CNTNAP5: variants seen among roughly 807,000 people sequenced by gnomAD.
The protein encoded by CNTNAP5 is contactin associated protein family member 5, also known as contactin-associated protein-like 5.
CNTNAP5 carries 72 observed loss-of-function variants against 150.2 expected under a neutral mutation model. The observed-to-expected ratio is 0.48, with a 90% CI of 0.40 to 0.58. The LOEUF (loss-of-function observed/expected upper bound fraction) is 0.58, where lower values mean the gene tolerates loss of function less well. Ranked by LOEUF, CNTNAP5 falls within the 20% of genes least tolerant of loss-of-function variation. CNTNAP5 has a pLI of 0.00. For missense variants in CNTNAP5, 1,636 were observed against 1,626.2 expected (o/e 1.01, Z -0.10); for synonymous variants, 672 against 619.8 (o/e 1.08, Z -1.25).
intron 1 of CNTNAP5, among the ~76,000 whole-genome samples, chr2:124,216,980 G>A (rs1460019197): frequency 1.3e-5 from 2 of 152,096 alleles, no homozygotes; most frequent in East Asian, 1.9e-4. Flanking sequence ...CTTCCACAAT[G>A]GTTAAACTAG....
intron 11 of CNTNAP5, among the ~76,000 whole-genome samples, chr2:124,577,843 A>G (rs1271297564): frequency 6.6e-6 from 1 of 152,174 alleles, no homozygotes; most frequent in Non-Finnish European, 1.5e-5. Context: ...GACTGACATT[A>G]ACTTGGTTGG....
At chr2:124,291,657 T>C (rs1688297208) in intron 3 of CNTNAP5, among the ~76,000 whole-genome samples, 1 of 152,142 alleles carries the variant, frequency 6.6e-6, no homozygotes, top group Non-Finnish European at 1.5e-5. Flanking sequence ...ACTGACACAC[T>C]GCTTTGTACC....
At chr2:124,202,969 C>T (rs1685766590) in intron 1 of CNTNAP5, among the ~76,000 whole-genome samples, 2 of 152,144 alleles carry the variant, frequency 1.3e-5, no homozygotes, top group Admixed American at 6.5e-5. Flanking sequence ...ATCATACCTT[C>T]CCAACAGTCG....
chr2:124,368,479 AATCT>A (rs1438548812), intron 3 of CNTNAP5, among the ~76,000 whole-genome samples: 1 of 152,160 alleles, frequency 6.6e-6, no homozygotes, highest in Non-Finnish European at 1.5e-5. Flanking sequence ...CATTTACAGA[AATCT>A]ATCTTAGAAA....
At chr2:124,607,601 G>A (rs1677279514) in intron 11 of CNTNAP5, among the ~76,000 whole-genome samples, 1 of 152,168 alleles carries the variant, frequency 6.6e-6, no homozygotes, top group Non-Finnish European at 1.5e-5. Flanking sequence ...TTACCTTAGA[G>A]GTTGCCTAGC....
chr2:124,574,779 T>G (rs2104942842), intron 11 of CNTNAP5, among the ~76,000 whole-genome samples: 1 of 152,352 alleles, frequency 6.6e-6, no homozygotes, highest in Non-Finnish European at 1.5e-5. Flanking sequence ...GAATTTCCAG[T>G]GTGTTCATTC....
chr2:124,694,374 C>T (rs970328236), intron 13 of CNTNAP5, among the ~76,000 whole-genome samples: 2 of 152,120 alleles, frequency 1.3e-5, no homozygotes, highest in African/African-American at 4.8e-5. Flanking sequence ...ACCTGCATTC[C>T]TGCCATCTTA....
At chr2:124,689,094 T>A (rs1237583042) in intron 13 of CNTNAP5, among the ~76,000 whole-genome samples, 2 of 152,118 alleles carry the variant, frequency 1.3e-5, no homozygotes, top group East Asian at 3.9e-4. Flanking sequence ...ATGTTATTGC[T>A]TTTAATGTCA....
At chr2:124,657,950 T>C (rs1195602474) in intron 13 of CNTNAP5, among the ~76,000 whole-genome samples, 1 of 152,262 alleles carries the variant, frequency 6.6e-6, no homozygotes, top group Non-Finnish European at 1.5e-5. Context: ...AGATACCTTC[T>C]TCTTGCTTAT....
chr2:124,258,107 A>T (rs1035678426), intron 3 of CNTNAP5, among the ~76,000 whole-genome samples: 2 of 152,124 alleles, frequency 1.3e-5, no homozygotes, highest in African/African-American at 4.8e-5. Flanking sequence ...CCCTGGCATG[A>T]CATAAATACC....
chr2:124,643,869 C>T (rs1056371037), intron 12 of CNTNAP5, among the ~76,000 whole-genome samples: 2 of 152,192 alleles, frequency 1.3e-5, no homozygotes, highest in Admixed American at 6.5e-5. Context: ...TAAAGCCAAC[C>T]TGTTTCATGG....
chr2:124,916,123 T>C lies in CNTNAP5; in HGVS notation c.*1835T>C, dbSNP rs1678763482. 6.6e-6 allele frequency among the ~76,000 whole-genome samples: 1 copy of C among 152,076 alleles called. No individual in the cohort carries two copies. Among genetic ancestry groups the C allele is most frequent in the African/African-American group, 2.4e-5 (1 of 41,432 alleles). ...TATGAGTTAAGGATTTAGTTTGCAA[T>C]CATATTTCTCTATTTTAAGATGTTG... On this transcript the variant is annotated 3_prime_UTR_variant, in exon 24 of 24. Transcript: ENST00000682447.
intron 3 of CNTNAP5, among the ~76,000 whole-genome samples, chr2:124,343,005 A>G (rs189356641): frequency 1.2e-4 from 18 of 152,292 alleles, no homozygotes; most frequent in East Asian, 3.9e-4. Flanking sequence ...TATTTTTCCT[A>G]TATACTTCCT....
intron 18 of CNTNAP5, among the ~76,000 whole-genome samples, chr2:124,797,765 G>T (rs572225332): frequency 1.3e-5 from 2 of 152,260 alleles, no homozygotes; most frequent in East Asian, 3.9e-4. Context: ...TGTTATCTTT[G>T]CTTCTCAGGA....
Position 124,782,617 on chromosome 2 carries a change from T to C in CNTNAP5, c.2753-7285T>C, listed in dbSNP as rs184574014. Among the ~76,000 whole-genome samples, 393 of 152,180 alleles carry C rather than the reference T, an allele frequency of 2.6e-3. 2 individuals are homozygous for C. The highest frequency in any genetic ancestry group is 0.015 in the South Asian group (73 of 4,822). ...TCACATTTTTTTTTCATCTGTAGTT[T>C]GTAAAATAATCACTGGCATTTAGCA... On this transcript the variant is annotated intron_variant, in intron 17 of 23. Coordinates refer to ENST00000682447, the MANE Select transcript of CNTNAP5 (RefSeq NM_001367498.1).
chr2:124,637,181 A>G (rs982033672), intron 12 of CNTNAP5, among the ~76,000 whole-genome samples: 2 of 152,148 alleles, frequency 1.3e-5, no homozygotes, highest in Non-Finnish European at 2.9e-5. Flanking sequence ...TTTATTCATA[A>G]TTCAAGCAGT....
intron 1 of CNTNAP5, among the ~76,000 whole-genome samples, chr2:124,035,899 C>T (rs1406856653): frequency 6.9e-6 from 1 of 144,270 alleles, no homozygotes; most frequent in East Asian, 2.0e-4. Context: ...CTGCATTTCC[C>T]AGGATGAACT....
At chr2:124,908,720 C>T (rs932681902) in intron 22 of CNTNAP5, among the ~76,000 whole-genome samples, 3 of 152,002 alleles carry the variant, frequency 2.0e-5, no homozygotes, top group African/African-American at 7.2e-5. Context: ...ATATTGTTGG[C>T]CTTGAAGACC....
intron 2 of CNTNAP5, among the ~76,000 whole-genome samples, chr2:124,234,452 A>G (rs1007459301): frequency 6.6e-6 from 1 of 152,220 alleles, no homozygotes; most frequent in Non-Finnish European, 1.5e-5. Flanking sequence ...TTCAATTTTT[A>G]ATTTATTTTA....
Sources: allele counts gnomAD v4.1 joint callset (sites outside exome capture counted in the v4.1 genomes callset), GRCh38; gene constraint gnomAD v4.1.1; transcripts MANE v1.5; gene names NCBI Gene and HGNC (gene_info 2026-07-23, HGNC 2026-07-21).